SGCZ: variants seen among roughly 807,000 people sequenced by gnomAD.
The protein encoded by SGCZ is zeta-sarcoglycan.
A neutral mutation model predicts 41.3 loss-of-function variants in SGCZ; 40 were observed. The observed-to-expected ratio is 0.97, with a 90% confidence interval of 0.75 to 1.26. The LOEUF (loss-of-function observed/expected upper bound fraction) is 1.26, where lower values mean the gene tolerates loss of function less well. SGCZ is among the 50% of genes most tolerant of loss of function. The pLI, the probability that SGCZ is intolerant of heterozygous loss-of-function variation, is 0.00. For missense variants in SGCZ, 552 were observed against 369.8 expected (o/e 1.49, Z -4.04); for synonymous variants, 206 against 137.5 (o/e 1.50, Z -3.49).
intron 4 of SGCZ, among the ~76,000 whole-genome samples, chr8:14,190,829 C>T (rs546811101): frequency 1.3e-5 from 2 of 152,156 alleles, no homozygotes; most frequent in South Asian, 4.1e-4. Flanking sequence ...GTCTCAATCT[C>T]CTGACCTTGT....
At chr8:14,345,637 CA>C (rs1175962252) in intron 2 of SGCZ, among the ~76,000 whole-genome samples, 1 of 152,068 alleles carries the variant, frequency 6.6e-6, no homozygotes, top group Non-Finnish European at 1.5e-5. Flanking sequence ...ACTTATTTCC[CA>C]GCTTTCCCAG....
intron 3 of SGCZ, among the ~76,000 whole-genome samples, chr8:14,310,748 C>A (rs182250481): frequency 6.6e-6 from 1 of 152,028 alleles, no homozygotes; most frequent in Non-Finnish European, 1.5e-5. Context: ...CTTCTTATTG[C>A]AAGACAGTCT....
chr8:14,962,163 T>G (rs1168744371), intron 1 of SGCZ, among the ~76,000 whole-genome samples: 1 of 152,162 alleles, frequency 6.6e-6, no homozygotes, highest in East Asian at 1.9e-4. Flanking sequence ...CTCAATGGTA[T>G]GTGAATTAAT....
chr8:14,955,440 G>A (rs1280506260), intron 1 of SGCZ, among the ~76,000 whole-genome samples: 3 of 152,172 alleles, frequency 2.0e-5, no homozygotes, highest in African/African-American at 7.2e-5. Flanking sequence ...ATTTTCACAT[G>A]TGAAGTTCCT....
intron 1 of SGCZ, among the ~76,000 whole-genome samples, chr8:14,689,819 G>C (rs761719841): frequency 6.6e-6 from 1 of 152,156 alleles, no homozygotes; most frequent in Non-Finnish European, 1.5e-5. Context: ...ATCAGCTGTG[G>C]TATCCTGGCT....
At chr8:15,067,727 C>T (rs1805205361) in intron 1 of SGCZ, among the ~76,000 whole-genome samples, 1 of 152,046 alleles carries the variant, frequency 6.6e-6, no homozygotes, top group Non-Finnish European at 1.5e-5. Flanking sequence ...TTTCTTTCAT[C>T]TATAAATATC....
At chr8:15,149,192 G>C (rs974001978) in intron 1 of SGCZ, among the ~76,000 whole-genome samples, 3 of 151,864 alleles carry the variant, frequency 2.0e-5, no homozygotes, top group African/African-American at 7.3e-5. Context: ...TTTTATTATT[G>C]ACTAAATGAC....
intron 3 of SGCZ, chr8:14,309,499 T>C (rs1801457050): frequency 1.2e-6 from 2 of 1,608,602 alleles, no homozygotes; most frequent in African/African-American, 2.7e-5. Context: ...GAGCTAATTG[T>C]GATAAGAGAG....
intron 2 of SGCZ, among the ~76,000 whole-genome samples, chr8:14,362,102 C>T (rs908495980): frequency 6.6e-6 from 1 of 152,110 alleles, no homozygotes; most frequent in African/African-American, 2.4e-5. Flanking sequence ...TCTGTCAGCC[C>T]CTACTGGGAG....
intron 1 of SGCZ, among the ~76,000 whole-genome samples, chr8:14,616,287 A>G (rs543887607): frequency 1.3e-5 from 2 of 151,800 alleles, no homozygotes; most frequent in East Asian, 3.9e-4. Flanking sequence ...TGTCTCAAAA[A>G]AAAAAAAGAA....
At chr8:15,196,177 G>A (rs1395965557) in intron 1 of SGCZ, among the ~76,000 whole-genome samples, 4 of 134,048 alleles carry the variant, frequency 3.0e-5, no homozygotes, top group African/African-American at 5.7e-5. Flanking sequence ...GATTACAGGC[G>A]TGAGCCACCG....
At chr8:14,446,056 G>A (rs1303613124) in intron 2 of SGCZ, among the ~76,000 whole-genome samples, 2 of 152,172 alleles carry the variant, frequency 1.3e-5, no homozygotes, top group Admixed American at 6.5e-5. Context: ...GTCTGAAGAA[G>A]GGGACAAGAA....
At position 14,494,905 on chromosome 8, in the gene SGCZ, G is replaced by A. The variant is rs1387331763; in HGVS notation, c.234+59827C>T. Among the ~76,000 whole-genome samples the A allele has an allele frequency of 2.0e-5, 3 of 152,154 alleles. No individual in the cohort carries two copies. In the East Asian group the frequency reaches 5.8e-4, roughly 29 times the overall value. ...ATTTGCTTATGTTAGGCATGAGAAG[G>A]TAGCATTATCCTTGCTGCCCTAAAT... is the stretch of plus-strand genomic sequence containing the variant. On this transcript the variant is annotated intron_variant, in intron 2 of 7. Transcript: ENST00000382080.
chr8:14,085,940 C>G lies in SGCZ; in HGVS notation c.*4503G>C, dbSNP rs970985087. Among the ~76,000 whole-genome samples the G allele has an allele frequency of 5.9e-5, 9 of 151,680 alleles. No homozygotes were observed. Among genetic ancestry groups the G allele is most frequent in the Non-Finnish European group, 1.3e-4 (9 of 67,764 alleles). ...CATTCTTTGGTCTTTGACATTTAAA[C>G]AACTAATAAATTTCAGTATAAAACA... On this transcript the variant is annotated 3_prime_UTR_variant, in exon 8 of 8. Coordinates refer to ENST00000382080, the MANE Select transcript of SGCZ (RefSeq NM_139167.4).
intron 4 of SGCZ, among the ~76,000 whole-genome samples, chr8:14,192,088 T>A (rs1414624633): frequency 6.6e-6 from 1 of 152,082 alleles, no homozygotes; most frequent in Non-Finnish European, 1.5e-5. Flanking sequence ...GTATTTAAAA[T>A]CAAAGCACAT....
intron 1 of SGCZ, among the ~76,000 whole-genome samples, chr8:14,568,511 T>C (rs1418884421): frequency 2.0e-5 from 3 of 152,048 alleles, no homozygotes; most frequent in African/African-American, 7.2e-5. Context: ...AGGATTTATA[T>C]GTCATACTCT....
At chr8:14,794,840 G>A (rs551076191) in intron 1 of SGCZ, among the ~76,000 whole-genome samples, 21 of 152,288 alleles carry the variant, frequency 1.4e-4, no homozygotes, top group Non-Finnish European at 2.5e-4. Context: ...TCAGATTTCT[G>A]AACAGGAACA....
chr8:14,707,951 C>G (rs976573282), intron 1 of SGCZ, among the ~76,000 whole-genome samples: 7 of 151,786 alleles, frequency 4.6e-5, no homozygotes, highest in African/African-American at 1.7e-4. Context: ...GAATCAAGCA[C>G]AAATATATGT....
chr8:14,151,704 T>C (rs1803714732), intron 5 of SGCZ, among the ~76,000 whole-genome samples: 1 of 152,114 alleles, frequency 6.6e-6, no homozygotes, highest in Non-Finnish European at 1.5e-5. Flanking sequence ...TTACCTAATG[T>C]AAAGGTCTAT....
Sources: allele counts gnomAD v4.1 joint callset (sites outside exome capture counted in the v4.1 genomes callset), GRCh38; gene constraint gnomAD v4.1.1; transcripts MANE v1.5; gene names NCBI Gene and HGNC (gene_info 2026-07-23, HGNC 2026-07-21).